Variants in HIVEP3 observed in about 807,000 individuals in gnomAD.
HIVEP3 encodes HIVEP zinc finger 3.
HIVEP3 carries 49 observed loss-of-function variants against 152.8 expected under a neutral mutation model. The ratio of observed to expected loss-of-function variants is 0.32; its 90% CI spans 0.26 to 0.41. The LOEUF (loss-of-function observed/expected upper bound fraction) is 0.41. Ranked by LOEUF, HIVEP3 falls within the 10% of genes least tolerant of loss-of-function variation. HIVEP3 has a pLI of 1.00. For missense variants in HIVEP3, 2,790 were observed against 3,103.3 expected, an observed-to-expected ratio of 0.90 and a Z score of 2.40; for synonymous variants, 1,269 against 1,289.0, an observed-to-expected ratio of 0.98 and a Z score of 0.33.
rs57773203 is a variant in HIVEP3 at position 41,714,017 on chromosome 1, A to C, written c.-800-13022T>G. ...TCTGCTCATGGCTTCAGAACCTGCC[A>C]GCCCTTCCAGAAGACTGCCTCCTGC... On this transcript the variant is annotated intron_variant, in intron 1 of 8. Transcript: ENST00000372583. Among the ~76,000 whole-genome samples, 183 of 152,334 alleles carry C rather than the reference A, an allele frequency of 1.2e-3. 1 individual carries two copies. The highest frequency in any genetic ancestry group is 3.9e-3 in the African/African-American group (163 of 41,556).
chr1:41,559,016 C>G (rs1205474573), intron 5 of HIVEP3, among the ~76,000 whole-genome samples: 1 of 152,108 alleles, frequency 6.6e-6, no homozygotes, highest in Non-Finnish European at 1.5e-5. Flanking sequence ...CACACACCTC[C>G]CTTGACTCTC....
chr1:41,876,419 TTA>T (rs1644171896), intron 1 of HIVEP3, among the ~76,000 whole-genome samples: 1 of 152,174 alleles, frequency 6.6e-6, no homozygotes, highest in African/African-American at 2.4e-5. Context: ...TCTCTGTGCC[TTA>T]GTTTCCTCAT....
intron 1 of HIVEP3, among the ~76,000 whole-genome samples, chr1:41,998,807 A>G (rs1645409571): frequency 6.7e-6 from 1 of 149,158 alleles, no homozygotes; most frequent in Non-Finnish European, 1.5e-5. Context: ...CACTTCCTTC[A>G]TGTGATTTTG....
chr1:41,574,996 C>G (rs994533577), intron 5 of HIVEP3, among the ~76,000 whole-genome samples: 1 of 152,200 alleles, frequency 6.6e-6, no homozygotes, highest in African/African-American at 2.4e-5. Context: ...GAATGAGATT[C>G]AAAATATTCA....
rs953049663 is a variant in HIVEP3 at position 41,533,814 on chromosome 1, C to T, written c.5208-8904G>A. On this transcript the variant is annotated intron_variant, in intron 5 of 8. Transcript: ENST00000372583. The surrounding 1 kb of genome is among the most constrained non-coding windows in gnomAD (Gnocchi z 4.3). Reference sequence around the variant, plus strand: ...CCCCAGCCACTTCTCTCTCGAGTTCCGATGCCTTTGCTATACATCTAACTG... The same window carrying T: ...CCCCAGCCACTTCTCTCTCGAGTTCTGATGCCTTTGCTATACATCTAACTG... Among the ~76,000 whole-genome samples the T allele has an allele frequency of 2.0e-5, 3 of 152,034 alleles. No individual in the cohort carries two copies. The highest frequency in any genetic ancestry group is 4.4e-5 in the Non-Finnish European group (3 of 68,020).
In HIVEP3 at chr1:41,813,889, T is replaced by C. The variant is rs1335674638; in HGVS notation, c.-801+104524A>G. Among the ~76,000 whole-genome samples the C allele has an allele frequency of 2.0e-5, 3 of 152,206 alleles. No individual in the cohort carries two copies. In the East Asian group the frequency reaches 5.8e-4, roughly 29 times the overall value. The stretch of plus-strand genomic sequence containing the variant: ...CTGTTGTGGTGGAGACAGTAGCTTC[T>C]TCCCCAACCATTCAGCACTGCGGCC... On this transcript the variant is annotated intron_variant, in intron 1 of 8. Coordinates refer to ENST00000372583, the MANE Select transcript of HIVEP3 (RefSeq NM_024503.5).
At chr1:41,651,381 G>A (rs1426795742) in intron 2 of HIVEP3, among the ~76,000 whole-genome samples, 6 of 146,358 alleles carry the variant, frequency 4.1e-5, no homozygotes, top group Non-Finnish European at 5.9e-5. Context: ...ATTGCACTCC[G>A]GCCTGGGCAA....
chr1:41,557,340 T>C (rs1485380056), intron 5 of HIVEP3, among the ~76,000 whole-genome samples: 1 of 152,108 alleles, frequency 6.6e-6, no homozygotes, highest in Non-Finnish European at 1.5e-5. Flanking sequence ...GTGTGTTTGA[T>C]GACAGAATGC....
chr1:41,801,850 C>G (rs1342414681), intron 1 of HIVEP3, among the ~76,000 whole-genome samples: 2 of 152,080 alleles, frequency 1.3e-5, no homozygotes, highest in Admixed American at 1.3e-4. Flanking sequence ...TGAAACAGAC[C>G]CATGCTTTTA....
chr1:41,627,059 A>C (rs1239068943), intron 3 of HIVEP3, among the ~76,000 whole-genome samples: 1 of 152,224 alleles, frequency 6.6e-6, no homozygotes, highest in Admixed American at 6.5e-5. Context: ...GGGCAGCAGC[A>C]TCGGTCCCCG....
At chr1:41,639,347 G>C (rs1368484535) in intron 2 of HIVEP3, among the ~76,000 whole-genome samples, 1 of 152,170 alleles carries the variant, frequency 6.6e-6, no homozygotes, top group Non-Finnish European at 1.5e-5. Flanking sequence ...GTATAGCATA[G>C]CGAGTTGGCC....
rs1442251100 is a variant in HIVEP3 at position 41,873,692 on chromosome 1, TACCTCACTACCTTCAGAAAGGAAGAAG to T, written c.-801+44694_-801+44720del. Among the ~76,000 whole-genome samples the T allele has an allele frequency of 6.6e-6, 1 of 152,170 alleles. No homozygotes were observed. The highest frequency in any genetic ancestry group is 1.5e-5 in the Non-Finnish European group (1 of 68,026). On this transcript the variant is annotated intron_variant, in intron 1 of 8. Transcript: ENST00000372583. The surrounding 1 kb of genome is among the most constrained non-coding windows in gnomAD (Gnocchi z 4.2). ...AATTCTCTTTAACTCTCTTCCAGAA[TACCTCACTACCTTCAGAAAGGAAGAAG>T]GAGGGAAAAAAGGACAGAGGGAAGG...
At chr1:41,700,119 C>A (rs1410480455) in intron 2 of HIVEP3, among the ~76,000 whole-genome samples, 3 of 152,316 alleles carry the variant, frequency 2.0e-5, no homozygotes, top group Admixed American at 6.5e-5. Context: ...CAAACCCCGA[C>A]AGAATAGAGC....
chr1:41,522,281 C>G (rs1386176021), intron 6 of HIVEP3, among the ~76,000 whole-genome samples: 2 of 152,258 alleles, frequency 1.3e-5, no homozygotes, highest in East Asian at 3.8e-4. Flanking sequence ...TCCCTTCACC[C>G]CCATACTGCA....
chr1:41,871,716 C>T (rs927843014), intron 1 of HIVEP3, among the ~76,000 whole-genome samples: 29 of 152,204 alleles, frequency 1.9e-4, no homozygotes, highest in African/African-American at 6.7e-4. Flanking sequence ...GTGCGTTACT[C>T]GACAATTAAA....
At chr1:41,706,164 G>A (rs542331397) in intron 1 of HIVEP3, among the ~76,000 whole-genome samples, 1 of 152,350 alleles carries the variant, frequency 6.6e-6, no homozygotes, top group East Asian at 1.9e-4. Flanking sequence ...CATTGCCCAA[G>A]TGTGAACATA....
chr1:41,608,524 G>C (rs1193188099), intron 3 of HIVEP3, among the ~76,000 whole-genome samples: 16 of 152,200 alleles, frequency 1.1e-4, no homozygotes, highest in Non-Finnish European at 1.5e-5. Flanking sequence ...CTCTTCTGAA[G>C]GGCTCTCAGG....
At chr1:41,559,993 A>T (rs1294637868) in intron 5 of HIVEP3, among the ~76,000 whole-genome samples, 1 of 152,202 alleles carries the variant, frequency 6.6e-6, no homozygotes, top group East Asian at 1.9e-4. Flanking sequence ...TCAGGCAGCC[A>T]CTCAGAGATT....
intron 1 of HIVEP3, among the ~76,000 whole-genome samples, chr1:41,899,639 G>A (rs1185256482): frequency 1.3e-5 from 2 of 152,216 alleles, no homozygotes; most frequent in African/African-American, 4.8e-5. Flanking sequence ...AACTCCTGAT[G>A]TCAGCTGATT....
Sources: allele counts gnomAD v4.1 joint callset (sites outside exome capture counted in the v4.1 genomes callset), GRCh38; gene constraint gnomAD v4.1.1; non-coding constraint Gnocchi (gnomAD v3.1); transcripts MANE v1.5; gene names NCBI Gene and HGNC (gene_info 2026-07-23, HGNC 2026-07-21).